The following EGFLAM variants were observed in gnomAD, a reference collection of about 807,000 sequenced individuals.
The protein encoded by EGFLAM is pikachurin.
A neutral mutation model predicts 113.1 loss-of-function variants in EGFLAM; 79 were observed. That is an observed-to-expected ratio of 0.70 (90% CI 0.58 to 0.84). The LOEUF (loss-of-function observed/expected upper bound fraction) is 0.84, where lower values mean the gene tolerates loss of function less well. Ranked by LOEUF, EGFLAM falls within the 40% of genes least tolerant of loss-of-function variation. The pLI is 0.00. For synonymous variants in EGFLAM, 504 were observed against 487.6 expected (o/e 1.03, Z -0.44); for missense variants, 1,265 against 1,291.6 (o/e 0.98, Z 0.32).
intron 11 of EGFLAM, among the ~76,000 whole-genome samples, chr5:38,413,860 G>C (rs578145189): frequency 6.6e-6 from 1 of 152,296 alleles, no homozygotes; most frequent in Admixed American, 6.5e-5. Flanking sequence ...TTCCATCTCA[G>C]ACCATCAGGC....
intron 19 of EGFLAM, 38 bp downstream of exon 19, chr5:38,451,496 G>A (rs759828794): frequency 5.0e-6 from 8 of 1,601,550 alleles, no homozygotes; most frequent in Admixed American, 3.4e-5. Context: ...AGCACCTTGC[G>A]ATTTTCTCAG....
At chr5:38,406,392 C>T in intron 7 of EGFLAM, 151 bp downstream of exon 7, 3 of 700,106 alleles carry the variant, frequency 4.3e-6, no homozygotes, top group Non-Finnish European at 4.8e-6. Flanking sequence ...TGATCAGTCT[C>T]CAGGTGCTGA....
chr5:38,341,049 T>G (rs1037802327), intron 3 of EGFLAM, among the ~76,000 whole-genome samples: 2 of 152,184 alleles, frequency 1.3e-5, no homozygotes, highest in African/African-American at 2.4e-5. Flanking sequence ...GGTCTCAGTT[T>G]CCTCAGTGAC....
chr5:38,292,147 A>G (rs1407930311), intron 1 of EGFLAM, among the ~76,000 whole-genome samples: 1 of 152,198 alleles, frequency 6.6e-6, no homozygotes. Context: ...TTCCCCCCAG[A>G]TGTGCAGAAA....
chr5:38,313,606 C>G (rs1738512247), intron 1 of EGFLAM, among the ~76,000 whole-genome samples: 1 of 151,930 alleles, frequency 6.6e-6, no homozygotes, highest in Non-Finnish European at 1.5e-5. Flanking sequence ...AGAGTTTTAC[C>G]AAGTAAAATA....
intron 15 of EGFLAM, among the ~76,000 whole-genome samples, chr5:38,434,282 C>T (rs976345028): frequency 9.2e-5 from 14 of 152,302 alleles, no homozygotes; most frequent in East Asian, 3.9e-4. Flanking sequence ...ATGAGACTCC[C>T]GTGTCCGGCA....
Position 38,337,630 on chromosome 5 carries a change from G to A in EGFLAM, c.207+1G>A, listed in dbSNP as rs1395835560. The stretch of plus-strand genomic sequence containing the variant: ...TGGAAGTCCCATCCTTGGGTACACT[G>A]TGAGTACACGGGCATGGGAGTTTCC... On this transcript the variant is annotated splice_donor_variant, in intron 2 of 21. Transcript: ENST00000322350. LOFTEE classifies it high-confidence loss of function. The A allele has an allele frequency of 6.3e-7, 1 of 1,592,932 alleles. No individual in the cohort carries two copies. Among genetic ancestry groups the A allele is most frequent in the Non-Finnish European group, 8.6e-7 (1 of 1,167,498 alleles).
At chr5:38,441,753 G>C (rs1275757756) in intron 17 of EGFLAM, among the ~76,000 whole-genome samples, 3 of 152,156 alleles carry the variant, frequency 2.0e-5, no homozygotes, top group African/African-American at 7.2e-5. Flanking sequence ...GCGTCTAAGA[G>C]GTGAGTACAG....
At chr5:38,438,780 C>T (rs1482378000) in intron 17 of EGFLAM, among the ~76,000 whole-genome samples, 4 of 152,148 alleles carry the variant, frequency 2.6e-5, no homozygotes, top group Non-Finnish European at 5.9e-5. Flanking sequence ...AGGACTTTTG[C>T]ATCTGAGCCA....
Position 38,406,155 on chromosome 5 carries a change from G to A in EGFLAM, c.742G>A (p.Gly248Arg). 1.9e-6 allele frequency: 3 copies of A among 1,614,140 alleles called. No homozygotes were observed. Among genetic ancestry groups the A allele is most frequent in the Non-Finnish European group, 2.5e-6 (3 of 1,180,004 alleles). ...TGAGGAGGCGGGAAGTGGCCGCTAT[G>A]GACCCCGTTATATCACCGACATGGG... ...CPEEAGSGRYGPRYITDMGAG... is the reference protein window; with the variant it reads ...CPEEAGSGRYRPRYITDMGAG... Residue 248 changes from glycine to arginine, a missense_variant, in exon 7 of 22, where the codon GGA becomes AGA. Physicochemically the swap from Gly to Arg is moderately radical, Grantham distance 125 (BLOSUM62 -2). Transcript: ENST00000322350.
intron 17 of EGFLAM, among the ~76,000 whole-genome samples, chr5:38,439,792 A>T (rs1260249504): frequency 6.6e-6 from 1 of 152,246 alleles, no homozygotes; most frequent in Non-Finnish European, 1.5e-5. Flanking sequence ...AGAGTGGCTC[A>T]TTCATTCAGA....
At chr5:38,453,689 G>T (rs78410713) in intron 19 of EGFLAM, among the ~76,000 whole-genome samples, 3,656 of 152,180 alleles carry the variant, frequency 0.024, 150 homozygotes, top group African/African-American at 0.082. Flanking sequence ...CTGCCTTGAA[G>T]CCATTTTCTT....
chr5:38,445,769 A>C lies in EGFLAM; in HGVS notation c.2465-2532A>C, dbSNP rs1053106880. On this transcript the variant is annotated intron_variant, in intron 17 of 21. Transcript: ENST00000322350. ...GGGCTGGGGCAGGCCAACCGCATGC[A>C]GGGGGACCCGGGGTGAGTGGTGTGG... is the stretch of plus-strand genomic sequence containing the variant. 4.2e-5 allele frequency: 64 copies of C among 1,534,602 alleles called. No homozygotes were observed. In the Admixed American group the frequency reaches 5.5e-4, roughly 13 times the overall value.
chr5:38,356,454 A>C (rs942626774), intron 5 of EGFLAM, among the ~76,000 whole-genome samples: 1 of 152,204 alleles, frequency 6.6e-6, no homozygotes, highest in Non-Finnish European at 1.5e-5. Flanking sequence ...TCCCTTTCAC[A>C]AAAGTAGAAA....
At chr5:38,294,837 G>A (rs900579867) in intron 1 of EGFLAM, among the ~76,000 whole-genome samples, 2 of 151,348 alleles carry the variant, frequency 1.3e-5, no homozygotes, top group African/African-American at 2.4e-5. Flanking sequence ...CTTTTTTTTG[G>A]TGGAGGGGAC....
chr5:38,356,860 G>A lies in EGFLAM; in HGVS notation c.545+4529G>A, dbSNP rs549805976. Among the ~76,000 whole-genome samples the A allele has an allele frequency of 1.4e-4, 21 of 152,308 alleles. No individual in the cohort carries two copies. The South Asian group carries it at 1.5e-3, about 11-fold the overall frequency. On this transcript the variant is annotated intron_variant, in intron 5 of 21. Transcript: ENST00000322350. ...TGAAACTGCAGTTTGTGTGTGCTACGTATGGTCTCAATGTTTATGTCCTCC... is the reference window on the plus strand; with the variant it reads ...TGAAACTGCAGTTTGTGTGTGCTACATATGGTCTCAATGTTTATGTCCTCC...
chr5:38,368,363 G>A (rs1740119087), intron 5 of EGFLAM, among the ~76,000 whole-genome samples: 1 of 152,078 alleles, frequency 6.6e-6, no homozygotes, highest in African/African-American at 2.4e-5. Flanking sequence ...TTCCTCCATG[G>A]GCATACCCTG....
At chr5:38,281,531 C>A (rs1438304016) in intron 1 of EGFLAM, among the ~76,000 whole-genome samples, 2 of 152,140 alleles carry the variant, frequency 1.3e-5, no homozygotes. Flanking sequence ...GAACTCTAAT[C>A]ATATAATAAT....
intron 10 of EGFLAM, among the ~76,000 whole-genome samples, chr5:38,411,005 T>C (rs1741459470): frequency 1.3e-5 from 2 of 152,252 alleles, no homozygotes; most frequent in Admixed American, 6.5e-5. Context: ...AGGTCCTTAG[T>C]TGCCCATCAT....
Sources: allele counts gnomAD v4.1 joint callset (sites outside exome capture counted in the v4.1 genomes callset), GRCh38; gene constraint gnomAD v4.1.1; transcripts MANE v1.5; gene names NCBI Gene and HGNC (gene_info 2026-07-23, HGNC 2026-07-21).